The following C6 variants were observed in gnomAD, a reference collection of about 807,000 sequenced individuals.
C6 encodes complement C6, also known as complement component C6.
Under a neutral mutation model 112.9 loss-of-function variants are expected in C6, and 101 were observed. The ratio of observed to expected loss-of-function variants is 0.89; its 90% CI spans 0.76 to 1.06. C6 has a LOEUF of 1.06. Among genes scored for constraint, C6 ranks in the 50% least tolerant of loss-of-function variants. The probability of loss-of-function intolerance (pLI) is 0.00; values close to 1 mark genes in which losing one functional copy is unlikely to be tolerated. For synonymous variants in C6, 431 were observed against 384.1 expected (o/e 1.12, Z -1.43); for missense variants, 1,202 against 1,104.6 (o/e 1.09, Z -1.25).
chr5:41,234,100 A>G (rs116178765), intron 1 of C6, among the ~76,000 whole-genome samples: 1,532 of 152,212 alleles, frequency 0.01, 33 homozygotes, highest in African/African-American at 0.035. Context: ...AAAACAAATT[A>G]TATAATATTA....
chr5:41,187,853 T>A (rs1749904883), intron 5 of C6, among the ~76,000 whole-genome samples: 1 of 151,676 alleles, frequency 6.6e-6, no homozygotes, highest in South Asian at 2.1e-4. Flanking sequence ...CAATACATAC[T>A]ATCTCTCCCA....
At chr5:41,164,942 T>A (rs1747852264) in intron 9 of C6, among the ~76,000 whole-genome samples, 1 of 152,198 alleles carries the variant, frequency 6.6e-6, no homozygotes, top group South Asian at 2.1e-4. Context: ...TGCCCACGCC[T>A]GGAAATAGAA....
chr5:41,148,044 C>A (rs181945458), intron 17 of C6, among the ~76,000 whole-genome samples: 2 of 152,232 alleles, frequency 1.3e-5, no homozygotes, highest in East Asian at 1.9e-4. Context: ...AGGCAGCCAA[C>A]ATATTGTATC....
At chr5:41,231,117 A>G (rs551149366) in intron 1 of C6, among the ~76,000 whole-genome samples, 4 of 152,136 alleles carry the variant, frequency 2.6e-5, no homozygotes, top group Non-Finnish European at 5.9e-5. Context: ...GACAGCCTAC[A>G]GTTGGATCTT....
chr5:41,153,129 C>A (rs1234218035), intron 15 of C6: 1 of 152,188 alleles, frequency 6.6e-6, no homozygotes, highest in African/African-American at 2.4e-5. Context: ...TGTTTCCCTG[C>A]CTGAAAGTGT....
intron 1 of C6, among the ~76,000 whole-genome samples, chr5:41,236,327 A>T (rs1740299770): frequency 6.9e-6 from 1 of 145,698 alleles, no homozygotes; most frequent in Non-Finnish European, 1.5e-5. Context: ...CCATTTATTA[A>T]ATAGGGAATC....
intron 1 of C6, among the ~76,000 whole-genome samples, chr5:41,245,863 A>G (rs945073879): frequency 6.6e-6 from 1 of 152,126 alleles, no homozygotes; most frequent in Non-Finnish European, 1.5e-5. Context: ...GAGCTTTGAT[A>G]TTTATTCATG....
intron 1 of C6, among the ~76,000 whole-genome samples, chr5:41,204,921 G>A (rs751265491): frequency 6.6e-5 from 10 of 151,886 alleles, no homozygotes; most frequent in African/African-American, 2.2e-4. Context: ...AGCCCACCTC[G>A]GCCTCCCAAA....
chr5:41,191,224 G>A (rs550537449), intron 5 of C6, among the ~76,000 whole-genome samples: 1 of 151,594 alleles, frequency 6.6e-6, no homozygotes, highest in Non-Finnish European at 1.5e-5. Context: ...CCACCACCAC[G>A]CCTGGCTAAT....
chr5:41,253,110 A>G (rs929500366), intron 1 of C6, among the ~76,000 whole-genome samples: 1 of 152,202 alleles, frequency 6.6e-6, no homozygotes, highest in Non-Finnish European at 1.5e-5. Flanking sequence ...AAATCTGATT[A>G]TATGTTAAGA....
chr5:41,221,802 A>C lies in C6; in HGVS notation c.-20-18552T>G, dbSNP rs986204438. Among the ~76,000 whole-genome samples, 150 of 152,336 alleles carry C rather than the reference A, an allele frequency of 9.8e-4. 1 individual carries two copies. The highest frequency in any genetic ancestry group is 3.4e-3 in the African/African-American group (142 of 41,584). On this transcript the variant is annotated intron_variant, in intron 1 of 17. Coordinates refer to the C6 transcript ENST00000263413. ...GTGAGGAAAACAAAAAAGTATCAAC[A>C]ATATATAAATGAATATCTGGCAGCT...
At chr5:41,239,514 C>G (rs1273117536) in intron 1 of C6, among the ~76,000 whole-genome samples, 1 of 152,080 alleles carries the variant, frequency 6.6e-6, no homozygotes, top group Non-Finnish European at 1.5e-5. Flanking sequence ...CCCTACTATA[C>G]ACTATATATA....
intron 13 of C6, among the ~76,000 whole-genome samples, chr5:41,155,645 C>T (rs1489794443): frequency 6.6e-6 from 1 of 152,086 alleles, no homozygotes; most frequent in Non-Finnish European, 1.5e-5. Flanking sequence ...GGGAGGATTG[C>T]TTGAGCCCAG....
At chr5:41,251,599 C>T (rs1055067123) in intron 1 of C6, among the ~76,000 whole-genome samples, 23 of 152,256 alleles carry the variant, frequency 1.5e-4, no homozygotes, top group African/African-American at 5.3e-4. Context: ...CCTAGGTCTT[C>T]GAATTTTCAG....
intron 1 of C6, among the ~76,000 whole-genome samples, chr5:41,254,335 G>A (rs1741548229): frequency 6.6e-6 from 1 of 152,128 alleles, no homozygotes; most frequent in African/African-American, 2.4e-5. Flanking sequence ...GAACCCAGGA[G>A]GTGGAGCTTG....
chr5:41,169,985 GT>G (rs367930235), intron 9 of C6, among the ~76,000 whole-genome samples: 3,830 of 152,100 alleles, frequency 0.025, 161 homozygotes, highest in African/African-American at 0.088. Flanking sequence ...TAGTTGAGTA[GT>G]TTTTTTCCAG....
chr5:41,251,316 C>T (rs897712202), intron 1 of C6, among the ~76,000 whole-genome samples: 1 of 152,084 alleles, frequency 6.6e-6, no homozygotes, highest in African/African-American at 2.4e-5. Flanking sequence ...TAGGGGCAGC[C>T]TGAAATTGTA....
At chr5:41,252,153 T>G (rs1181047977) in intron 1 of C6, among the ~76,000 whole-genome samples, 1 of 152,238 alleles carries the variant, frequency 6.6e-6, no homozygotes. Context: ...TTGGCCCTAT[T>G]TTAACTAATA....
At chr5:41,249,424 A>G (rs1741209550) in intron 1 of C6, among the ~76,000 whole-genome samples, 1 of 152,202 alleles carries the variant, frequency 6.6e-6, no homozygotes, top group Non-Finnish European at 1.5e-5. Flanking sequence ...TGATAGTAGA[A>G]CTGTTATATT....
Sources: gnomAD v4.1 joint callset for allele counts (sites outside exome capture counted in the v4.1 genomes callset) on GRCh38, gnomAD v4.1.1 for gene constraint, MANE v1.5 for transcripts, NCBI Gene and HGNC (gene_info 2026-07-23, HGNC 2026-07-21) for gene names.